CSMD1: variants seen among roughly 807,000 people sequenced by gnomAD.
CSMD1 encodes the protein CUB and sushi domain-containing protein 1.
CSMD1 carries 213 observed loss-of-function variants against 417.5 expected under a neutral mutation model. The observed-to-expected ratio is 0.51, with a 90% confidence interval of 0.46 to 0.57. The LOEUF (loss-of-function observed/expected upper bound fraction) is 0.57, where lower values mean the gene tolerates loss of function less well. Ranked by LOEUF, CSMD1 falls within the 20% of genes least tolerant of loss-of-function variation. CSMD1 has a pLI of 0.00. For missense variants in CSMD1, 6,923 were observed against 4,529.7 expected (o/e 1.53, Z -15.17); for synonymous variants, 2,862 against 1,736.8 (o/e 1.65, Z -16.11).
At chr8:4,327,227 A>G (rs1799609141) in intron 3 of CSMD1, among the ~76,000 whole-genome samples, 1 of 152,212 alleles carries the variant, frequency 6.6e-6, no homozygotes, top group Non-Finnish European at 1.5e-5. Context: ...GATATAGCTT[A>G]GTTTTCATTA....
chr8:4,604,087 G>C (rs564160490), intron 2 of CSMD1, among the ~76,000 whole-genome samples: 4 of 152,040 alleles, frequency 2.6e-5, no homozygotes, highest in South Asian at 4.1e-4. Context: ...TGTTATCATA[G>C]ACAGATAAAC....
At chr8:4,447,363 A>C (rs1798876052) in intron 2 of CSMD1, among the ~76,000 whole-genome samples, 1 of 152,194 alleles carries the variant, frequency 6.6e-6, no homozygotes, top group South Asian at 2.1e-4. Context: ...AGTTAAGAGG[A>C]AATAGAAATC....
intron 3 of CSMD1, among the ~76,000 whole-genome samples, chr8:4,357,255 G>A (rs1323639130): frequency 3.3e-5 from 5 of 152,148 alleles, no homozygotes. Context: ...TAGAGGTTCA[G>A]GGACTAAAAA....
intron 1 of CSMD1, among the ~76,000 whole-genome samples, chr8:4,989,965 G>A (rs141526814): frequency 1.3e-3 from 198 of 152,310 alleles, no homozygotes; most frequent in African/African-American, 4.6e-3. Flanking sequence ...GCCTGTAGAA[G>A]CTTCAGCACT....
At position 2,942,006 on chromosome 8, in the gene CSMD1, T is replaced by C. The variant is rs1204452446; in HGVS notation, c.10535+466A>G. Among the ~76,000 whole-genome samples, 3 of 152,236 alleles carry C rather than the reference T, an allele frequency of 2.0e-5. No individual in the cohort carries two copies. In the East Asian group the frequency reaches 5.8e-4, roughly 29 times the overall value. On this transcript the variant is annotated intron_variant, in intron 69 of 69. Transcript: ENST00000635120. ...GTCATTTATTCTCTTATTTCTTAGA[T>C]GTATTCTGCTTAAAAAGTAGGGCAG...
At chr8:3,277,123 C>T (rs1308941783) in intron 26 of CSMD1, among the ~76,000 whole-genome samples, 1 of 152,042 alleles carries the variant, frequency 6.6e-6, no homozygotes, top group African/African-American at 2.4e-5. Flanking sequence ...AGGCTAGCAT[C>T]TGAGTAGAGG....
At chr8:4,696,999 C>G (rs1172312277) in intron 1 of CSMD1, among the ~76,000 whole-genome samples, 1 of 152,050 alleles carries the variant, frequency 6.6e-6, no homozygotes, top group Non-Finnish European at 1.5e-5. Flanking sequence ...TGGTGAAACC[C>G]TGTCTCTACT....
intron 2 of CSMD1, among the ~76,000 whole-genome samples, chr8:4,429,517 T>TGA (rs1797752054): frequency 6.6e-6 from 1 of 152,196 alleles, no homozygotes; most frequent in African/African-American, 2.4e-5. Flanking sequence ...TTTGTAGAAT[T>TGA]CAAGTTGGAT....
intron 1 of CSMD1, among the ~76,000 whole-genome samples, chr8:4,670,357 G>T (rs1304296440): frequency 6.6e-6 from 1 of 152,090 alleles, no homozygotes; most frequent in Non-Finnish European, 1.5e-5. Flanking sequence ...TGTCAAGATT[G>T]TGGCTAATAA....
At chr8:4,026,193 T>C (rs1563333458) in intron 4 of CSMD1, among the ~76,000 whole-genome samples, 2 of 152,204 alleles carry the variant, frequency 1.3e-5, no homozygotes, top group Non-Finnish European at 2.9e-5. Flanking sequence ...ATTTTTTCTT[T>C]ATAATCTAGT....
intron 23 of CSMD1, among the ~76,000 whole-genome samples, chr8:3,312,384 T>G (rs1366839159): frequency 6.6e-6 from 1 of 152,196 alleles, no homozygotes; most frequent in Non-Finnish European, 1.5e-5. Flanking sequence ...ATCATTAAAT[T>G]TATTATCTTG....
At chr8:4,963,325 G>C (rs1809640592) in intron 1 of CSMD1, among the ~76,000 whole-genome samples, 1 of 152,074 alleles carries the variant, frequency 6.6e-6, no homozygotes, top group African/African-American at 2.4e-5. Flanking sequence ...TCAGCCTTCT[G>C]AGTAGCTGGG....
At chr8:4,557,288 T>C (rs561232492) in intron 2 of CSMD1, among the ~76,000 whole-genome samples, 2 of 152,332 alleles carry the variant, frequency 1.3e-5, no homozygotes, top group South Asian at 4.1e-4. Flanking sequence ...AATTGGTCTA[T>C]ATTTCTATCA....
chr8:3,492,261 G>A (rs916029769), intron 11 of CSMD1, among the ~76,000 whole-genome samples: 8 of 152,076 alleles, frequency 5.3e-5, no homozygotes, highest in African/African-American at 1.9e-4. Flanking sequence ...GAGCTCTTCT[G>A]CTCTCAGAGC....
intron 9 of CSMD1, among the ~76,000 whole-genome samples, chr8:3,578,450 G>A (rs529933125): frequency 6.6e-6 from 1 of 152,184 alleles, no homozygotes; most frequent in Non-Finnish European, 1.5e-5. Context: ...AATCTCGGCA[G>A]TGCACGCAGG....
chr8:4,204,354 T>C (rs1341931188), intron 3 of CSMD1, among the ~76,000 whole-genome samples: 1 of 152,128 alleles, frequency 6.6e-6, no homozygotes, highest in Non-Finnish European at 1.5e-5. Flanking sequence ...CACTTCTAGG[T>C]GAGCAAACTG....
chr8:4,803,913 C>A (rs1798447019), intron 1 of CSMD1, among the ~76,000 whole-genome samples: 1 of 152,074 alleles, frequency 6.6e-6, no homozygotes, highest in Non-Finnish European at 1.5e-5. Flanking sequence ...GCAGCTAGCC[C>A]ACAGAGCCTC....
intron 3 of CSMD1, among the ~76,000 whole-genome samples, chr8:4,371,565 T>C (rs1325845127): frequency 1.3e-5 from 2 of 152,176 alleles, no homozygotes; most frequent in Non-Finnish European, 2.9e-5. Flanking sequence ...CAATGTATTA[T>C]TTTTTCATTC....
intron 2 of CSMD1, among the ~76,000 whole-genome samples, chr8:4,527,140 G>C (rs968438221): frequency 1.3e-5 from 2 of 152,240 alleles, no homozygotes; most frequent in East Asian, 1.9e-4. Context: ...TTTCAAGAAA[G>C]TTAAGTTACC....
Sources: allele counts gnomAD v4.1 joint callset (sites outside exome capture counted in the v4.1 genomes callset), GRCh38; gene constraint gnomAD v4.1.1; transcripts MANE v1.5; gene names NCBI Gene and HGNC (gene_info 2026-07-23, HGNC 2026-07-21).